The following PSD3 variants were observed in gnomAD, a reference collection of about 807,000 sequenced individuals.
PSD3 encodes the protein pleckstrin and Sec7 domain containing 3.
A neutral mutation model predicts 105.5 loss-of-function variants in PSD3; 49 were observed. The observed-to-expected ratio is 0.46, with a 90% CI of 0.37 to 0.59. PSD3 has a LOEUF of 0.59. Ranked by LOEUF, PSD3 falls within the 20% of genes least tolerant of loss-of-function variation. The pLI, the probability that PSD3 is intolerant of heterozygous loss-of-function variation, is 0.00. For missense variants in PSD3, 1,561 were observed against 1,263.8 expected, an observed-to-expected ratio of 1.24 and a Z score of -3.57; for synonymous variants, 557 against 457.8, an observed-to-expected ratio of 1.22 and a Z score of -2.77.
chr8:18,795,307 T>C (rs1167151289), intron 8 of PSD3, among the ~76,000 whole-genome samples: 1 of 152,138 alleles, frequency 6.6e-6, no homozygotes, highest in Non-Finnish European at 1.5e-5. Flanking sequence ...GTAAAGTATA[T>C]GTAGGAGGCC....
chr8:18,638,475 A>T (rs1807428440), intron 10 of PSD3, among the ~76,000 whole-genome samples: 1 of 152,172 alleles, frequency 6.6e-6, no homozygotes, highest in South Asian at 2.1e-4. Context: ...AAAAATGAGT[A>T]GCATTTTTGT....
At chr8:18,963,576 G>A (rs1824058516) in intron 1 of PSD3, among the ~76,000 whole-genome samples, 1 of 152,176 alleles carries the variant, frequency 6.6e-6, no homozygotes, top group South Asian at 2.1e-4. Flanking sequence ...GACCACCACA[G>A]TGTTTAAAAA....
Position 18,683,864 on chromosome 8 carries a change from G to A in PSD3, c.2173-28179C>T, listed in dbSNP as rs773679369. 3.9e-6 allele frequency: 3 copies of A among 765,180 alleles called. No individual in the cohort carries two copies. The African/African-American group carries it at 5.1e-5, about 13-fold the overall frequency. 47.4% of individuals were successfully genotyped at this position (765,180 alleles called of 1,614,324 possible). Reference sequence around the variant, plus strand: ...GCCGCCGGATAGAATCCTCCCGGGAGTATTTCACGGAACCTGAGGTCCTCA... The same window carrying A: ...GCCGCCGGATAGAATCCTCCCGGGAATATTTCACGGAACCTGAGGTCCTCA... On this transcript the variant is annotated intron_variant, in intron 9 of 15. Transcript: ENST00000327040.
chr8:19,054,909 C>A (rs1828657891), intron 1 of PSD3, among the ~76,000 whole-genome samples: 1 of 152,110 alleles, frequency 6.6e-6, no homozygotes, highest in Non-Finnish European at 1.5e-5. Context: ...TTATTACCAG[C>A]AGAAAGAAAA....
intron 9 of PSD3, among the ~76,000 whole-genome samples, chr8:18,754,438 C>G (rs1452864977): frequency 6.6e-6 from 1 of 152,066 alleles, no homozygotes; most frequent in East Asian, 1.9e-4. Context: ...ACCTAAATGT[C>G]TGTGTTCTAT....
chr8:18,743,618 G>T (rs1325570985), intron 9 of PSD3, among the ~76,000 whole-genome samples: 2 of 151,980 alleles, frequency 1.3e-5, no homozygotes, highest in Non-Finnish European at 2.9e-5. Context: ...TTGGAGTGAA[G>T]TTCCCTGGAT....
intron 12 of PSD3, among the ~76,000 whole-genome samples, chr8:18,576,698 G>A (rs1802481404): frequency 6.6e-6 from 1 of 152,012 alleles, no homozygotes; most frequent in African/African-American, 2.4e-5. Context: ...GGCACATGTG[G>A]CTCTCCACGC....
intron 1 of PSD3, among the ~76,000 whole-genome samples, chr8:19,072,510 T>C (rs1313556340): frequency 6.6e-6 from 1 of 152,210 alleles, no homozygotes; most frequent in Non-Finnish European, 1.5e-5. Flanking sequence ...CACAGAATTA[T>C]GATTAGATGA....
intron 4 of PSD3, among the ~76,000 whole-genome samples, chr8:18,823,547 G>A (rs560921874): frequency 5.3e-5 from 8 of 151,972 alleles, no homozygotes; most frequent in East Asian, 1.9e-4. Flanking sequence ...CCTGAATTCC[G>A]CAACTTATCA....
At chr8:19,047,553 C>T (rs1261509891) in intron 1 of PSD3, among the ~76,000 whole-genome samples, 1 of 152,022 alleles carries the variant, frequency 6.6e-6, no homozygotes, top group Non-Finnish European at 1.5e-5. Context: ...GAAGAGGGAG[C>T]TATAGAGTTT....
At chr8:18,696,822 A>T (rs1801285326) in intron 9 of PSD3, among the ~76,000 whole-genome samples, 1 of 152,218 alleles carries the variant, frequency 6.6e-6, no homozygotes, top group Non-Finnish European at 1.5e-5. Flanking sequence ...TGTCCAATAG[A>T]AGTCTATAAA....
intron 1 of PSD3, among the ~76,000 whole-genome samples, chr8:18,992,174 T>C (rs1825841420): frequency 6.6e-6 from 1 of 152,166 alleles, no homozygotes; most frequent in Non-Finnish European, 1.5e-5. Flanking sequence ...ATATAACTAA[T>C]AAGGATCAGA....
rs192028139 is a variant in PSD3 at position 18,786,104 on chromosome 8, T to C, written c.2082+13191A>G. Among the ~76,000 whole-genome samples the C allele has an allele frequency of 3.4e-3, 519 of 152,296 alleles. 4 individuals carry two copies. The highest frequency in any genetic ancestry group is 0.012 in the African/African-American group (497 of 41,576). ...CTGTGGTCCCAGCTGCTCGGGAGGC[T>C]GAGGCAGGAGAATGACGTGAACCCG... is the stretch of plus-strand genomic sequence containing the variant. On this transcript the variant is annotated intron_variant, in intron 8 of 15. Coordinates refer to ENST00000327040, the MANE Select transcript of PSD3 (RefSeq NM_015310.4).
At position 18,789,288 on chromosome 8, in the gene PSD3, C is replaced by T. The variant is rs184797804; in HGVS notation, c.2082+10007G>A. Reference sequence around the variant, plus strand: ...GTAGAGTTTTCTAGAAGATGCATGACTTCTGATACACTGCAACCGACTATA... The same window carrying T: ...GTAGAGTTTTCTAGAAGATGCATGATTTCTGATACACTGCAACCGACTATA... On this transcript the variant is annotated intron_variant, in intron 8 of 15. Coordinates refer to ENST00000327040, the MANE Select transcript of PSD3 (RefSeq NM_015310.4). Among the ~76,000 whole-genome samples the T allele has an allele frequency of 7.3e-3, 1,112 of 152,226 alleles. 3 individuals are homozygous for T. Among genetic ancestry groups the T allele is most frequent in the Non-Finnish European group, 0.011 (756 of 68,024 alleles).
chr8:18,957,242 G>A (rs540653904), intron 1 of PSD3, among the ~76,000 whole-genome samples: 12 of 151,990 alleles, frequency 7.9e-5, no homozygotes, highest in Non-Finnish European at 1.3e-4. Context: ...ATGGTGGCGC[G>A]CGCCTGTAGT....
At chr8:18,895,723 C>T (rs775331906) in intron 2 of PSD3, among the ~76,000 whole-genome samples, 8 of 152,194 alleles carry the variant, frequency 5.3e-5, no homozygotes, top group East Asian at 1.9e-4. Context: ...TATTTCCACA[C>T]ACATATATGA....
intron 15 of PSD3, among the ~76,000 whole-genome samples, chr8:18,555,794 T>G (rs936117232): frequency 6.6e-6 from 1 of 152,166 alleles, no homozygotes; most frequent in Non-Finnish European, 1.5e-5. Flanking sequence ...ACAGCAAGAA[T>G]GTGCAGGGAA....
chr8:18,841,027 T>C (rs1814577322), intron 4 of PSD3, among the ~76,000 whole-genome samples: 1 of 152,184 alleles, frequency 6.6e-6, no homozygotes, highest in Non-Finnish European at 1.5e-5. Flanking sequence ...TCATGCTCTA[T>C]TTTAAAAGTA....
intron 1 of PSD3, among the ~76,000 whole-genome samples, chr8:18,949,849 A>C (rs188636020): frequency 8.8e-5 from 13 of 148,436 alleles, no homozygotes; most frequent in Admixed American, 8.1e-4. Context: ...GAATAACACT[A>C]TCTCTCGTCT....
Sources: gnomAD v4.1 joint callset for allele counts (sites outside exome capture counted in the v4.1 genomes callset) on GRCh38, gnomAD v4.1.1 for gene constraint, MANE v1.5 for transcripts, NCBI Gene and HGNC (gene_info 2026-07-23, HGNC 2026-07-21) for gene names.